The following BOD1L1 variants were observed in gnomAD, a reference collection of about 807,000 sequenced individuals.
BOD1L1 encodes the protein biorientation of chromosomes in cell division 1 like 1.
Under a neutral mutation model 240.7 loss-of-function variants are expected in BOD1L1, and 86 were observed. The ratio of observed to expected loss-of-function variants is 0.36; its 90% CI spans 0.30 to 0.43. BOD1L1 has a LOEUF of 0.43. Among genes scored for constraint, BOD1L1 ranks in the 20% least tolerant of loss-of-function variants. The pLI, the probability that BOD1L1 is intolerant of heterozygous loss-of-function variation, is 1.00. For missense variants in BOD1L1, 3,554 were observed against 3,643.5 expected (o/e 0.98, Z 0.63); for synonymous variants, 1,268 against 1,272.3 (o/e 1.00, Z 0.07).
At chr4:13,577,063 G>T in intron 24 of BOD1L1, 72 bp from the exon 25 acceptor site, 1 of 1,531,550 alleles carries the variant, frequency 6.5e-7, no homozygotes, top group Non-Finnish European at 8.8e-7. Flanking sequence ...GAGTCATGGA[G>T]TTTAGAACTT....
chr4:13,600,315 G>A lies in BOD1L1; in HGVS notation c.6585C>T (p.Pro2195=), dbSNP rs1282189925. Residue 2195 remains proline, a synonymous_variant, in exon 10 of 26, where the codon CCC becomes CCT. Transcript: ENST00000040738. The part of the protein sequence containing the change: ...ISTADFEGPM[P]SAPPEAESPL... ...GACTTTCAGCTTCTGGGGGCGCACT[G>A]GGCATAGGCCCCTCAAAGTCGGCGG... is the stretch of plus-strand genomic sequence containing the variant. 3 of 1,614,046 alleles carry A rather than the reference G, an allele frequency of 1.9e-6. No homozygotes were observed. The highest frequency in any genetic ancestry group is 1.7e-5 in the Admixed American group (1 of 60,028).
At position 13,627,328 on chromosome 4, in the gene BOD1L1, C is replaced by T. The variant is rs985697126; in HGVS notation, c.243+17G>A. On this transcript the variant is annotated intron_variant, in intron 1 of 25. Transcript: ENST00000040738. ...TCCCCTTCCCTCGCAGACCCCCAAA[C>T]CCGGCGCGCTCCTAACCTTGGTGTC... is the stretch of plus-strand genomic sequence containing the variant. The T allele has an allele frequency of 1.1e-5, 14 of 1,283,638 alleles. No individual in the cohort carries two copies. Among genetic ancestry groups the T allele is most frequent in the Non-Finnish European group, 1.4e-5 (14 of 1,003,434 alleles). 79.5% of individuals were successfully genotyped at this position (1,283,638 alleles called of 1,614,324 possible). A position where few individuals can be genotyped will look rare whatever the true frequency, so the allele number is the denominator to read the frequency against.
At chr4:13,573,001 C>A (rs1414034523) in intron 25 of BOD1L1, among the ~76,000 whole-genome samples, 1 of 152,142 alleles carries the variant, frequency 6.6e-6, no homozygotes, top group South Asian at 2.1e-4. Context: ...ATAAGTCGAT[C>A]TTAATGTCAT....
chr4:13,596,863 C>T (rs181451765), intron 11 of BOD1L1, among the ~76,000 whole-genome samples: 44 of 152,176 alleles, frequency 2.9e-4, no homozygotes, highest in African/African-American at 8.7e-4. Context: ...TGTGGGATGA[C>T]GGAGAAACTG....
chr4:13,593,342 C>A (rs989447669), intron 12 of BOD1L1: 3 of 151,896 alleles, frequency 2.0e-5, no homozygotes, highest in African/African-American at 7.3e-5. Flanking sequence ...CATTAAAAGA[C>A]CTAAAATTGG....
At position 13,600,677 on chromosome 4, in the gene BOD1L1, T is replaced by A. The variant is rs745833495; in HGVS notation, c.6223A>T (p.Thr2075Ser). Residue 2075 changes from threonine (T) to serine (S), a missense_variant, in exon 10 of 26, where the codon ACC becomes TCC. Thr to Ser is a moderately conservative substitution (Grantham distance 58). This residue lies in a region of BOD1L1 where 3,393 missense variants were observed against 3,427.1 expected (regional missense o/e 0.99). Transcript: ENST00000040738. ...KNQGKVLIIS[T>S]STTNDYTPQV... The stretch of plus-strand genomic sequence containing the variant: ...GGGGTGTAATCATTTGTGGTACTGG[T>A]GGAAATAATCAAAACTTTGCCTTGA... The A allele has an allele frequency of 6.2e-7, 1 of 1,614,000 alleles. No individual in the cohort carries two copies. The highest frequency in any genetic ancestry group is 8.5e-7 in the Non-Finnish European group (1 of 1,179,894).
chr4:13,627,397 T>C lies in BOD1L1; in HGVS notation c.191A>G (p.Gln64Arg). The change falls in exon 1 of 26, where the codon CAG becomes CGG. Residue 64 changes from glutamine (Q) to arginine (R), a missense_variant. This residue lies in a region of BOD1L1 where 161 missense variants were observed against 216.4 expected (regional missense o/e 0.74). Coordinates refer to ENST00000040738, the MANE Select transcript of BOD1L1 (RefSeq NM_148894.3). ...TCTGCGGAACTGGTCGAAGAGCCCC[T>C]GGCTCTTGAGGTGGTTCACGATCAT... ...VAMIVNHLKS[Q>R]GLFDQFRRDC... 2 of 1,393,436 alleles carry C rather than the reference T, an allele frequency of 1.4e-6. No individual in the cohort carries two copies. The highest frequency in any genetic ancestry group is 1.9e-5 in the South Asian group (1 of 51,410). 86.3% of individuals were successfully genotyped at this position (1,393,436 alleles called of 1,614,324 possible).
At chr4:13,592,525 T>C (rs182035833) in intron 12 of BOD1L1, 1 of 152,358 alleles carries the variant, frequency 6.6e-6, no homozygotes, top group African/African-American at 2.4e-5. Flanking sequence ...TTATCTGAAA[T>C]ATAACTGTGG....
intron 17 of BOD1L1, among the ~76,000 whole-genome samples, chr4:13,584,346 CTGTG>C (rs374759828): frequency 2.0e-5 from 3 of 150,310 alleles, no homozygotes; most frequent in African/African-American, 7.3e-5. Flanking sequence ...TTCAAGTGCT[CTGTG>C]TGTGTGTGTG....
At chr4:13,576,346 G>C (rs891476931) in intron 25 of BOD1L1, among the ~76,000 whole-genome samples, 1 of 152,124 alleles carries the variant, frequency 6.6e-6, no homozygotes, top group African/African-American at 2.4e-5. Flanking sequence ...AACACATTTT[G>C]GGAAATATAT....
At position 13,581,009 on chromosome 4, in the gene BOD1L1, C is replaced by G; in HGVS notation, c.8703+11G>C. ...AAGTATTTGAAATTGTCATGTTTTG[C>G]AATTACTTACAGTGACAATGCCAGT... On this transcript the variant is annotated intron_variant, in intron 21 of 25. Transcript: ENST00000040738. 1 of 1,569,912 alleles carries G rather than the reference C, an allele frequency of 6.4e-7. No individual in the cohort carries two copies. The highest frequency in any genetic ancestry group is 8.6e-7 in the Non-Finnish European group (1 of 1,157,088).
At chr4:13,621,828 G>A (rs1210383332) in intron 1 of BOD1L1, among the ~76,000 whole-genome samples, 1 of 150,006 alleles carries the variant, frequency 6.7e-6, no homozygotes. Context: ...CTATGTGCCT[G>A]TCCATTTATC....
At chr4:13,610,809 C>G in intron 6 of BOD1L1, 125 bp downstream of exon 6, 3 of 708,762 alleles carry the variant, frequency 4.2e-6, no homozygotes, top group Non-Finnish European at 6.6e-6. Context: ...AGTTAAATGA[C>G]AAGTTTCCTG....
chr4:13,607,719 G>T (rs1296398469), intron 8 of BOD1L1, among the ~76,000 whole-genome samples: 1 of 152,128 alleles, frequency 6.6e-6, no homozygotes, highest in African/African-American at 2.4e-5. Context: ...ACTGTTCTTG[G>T]TGCTAAAGGA....
intron 10 of BOD1L1, among the ~76,000 whole-genome samples, chr4:13,598,715 A>G (rs1283620485): frequency 1.3e-5 from 2 of 152,166 alleles, no homozygotes; most frequent in Non-Finnish European, 2.9e-5. Context: ...CTCCCCACAC[A>G]TGAGAAATGG....
chr4:13,626,848 A>G (rs539565859), intron 1 of BOD1L1, among the ~76,000 whole-genome samples: 1 of 152,274 alleles, frequency 6.6e-6, no homozygotes, highest in South Asian at 2.1e-4. Context: ...AAACAATACT[A>G]AAGTCCTGTC....
In BOD1L1 at chr4:13,614,327, T is replaced by G; in HGVS notation, c.1043A>C (p.His348Pro). 1 of 1,550,646 alleles carries G rather than the reference T, an allele frequency of 6.4e-7. No homozygotes were observed. The highest frequency in any genetic ancestry group is 8.7e-7 in the Non-Finnish European group (1 of 1,146,824). The change falls in exon 4 of 26, where the codon CAC (histidine) becomes CCC (proline). Residue 348 changes from histidine (H) to proline (P), a missense_variant. Transcript: ENST00000040738. ...CTGTGTATCTTCACTCTTTTTTGAGTGATCAAATTTCTTTTCAGTCTTTTC... is the reference window on the plus strand; with the variant it reads ...CTGTGTATCTTCACTCTTTTTTGAGGGATCAAATTTCTTTTCAGTCTTTTC... Reference protein sequence around the residue: ...KKEKTEKKFDHSKKSEDTQKV... With the variant: ...KKEKTEKKFDPSKKSEDTQKV...
intron 1 of BOD1L1, chr4:13,624,223 G>C (rs1485309339): frequency 6.6e-6 from 1 of 151,614 alleles, no homozygotes; most frequent in Non-Finnish European, 1.5e-5. Context: ...GCAGGGAGGG[G>C]GAGAGAGAGA....
chr4:13,573,470 ATCTTTCTT>A (rs139972436), intron 25 of BOD1L1, among the ~76,000 whole-genome samples: 5 of 122,632 alleles, frequency 4.1e-5, no homozygotes, highest in African/African-American at 8.9e-5. Context: ...CTATCTATCT[ATCTTTCTT>A]TCTTTCTTTC....
Sources: gnomAD v4.1 joint callset for allele counts (sites outside exome capture counted in the v4.1 genomes callset) on GRCh38, gnomAD v4.1.1 for gene constraint, gnomAD v4.1.1 regional missense constraint, MANE v1.5 for transcripts, NCBI Gene and HGNC (gene_info 2026-07-23, HGNC 2026-07-21) for gene names.